PERM1: variants seen among roughly 807,000 people sequenced by gnomAD.
The protein encoded by PERM1 is PPARGC1 and ESRR induced regulator, muscle 1.
A neutral mutation model predicts 44.1 loss-of-function variants in PERM1; 45 were observed. The observed-to-expected ratio is 1.02, with a 90% CI of 0.80 to 1.31. The LOEUF (loss-of-function observed/expected upper bound fraction) is 1.31, where lower values mean the gene tolerates loss of function less well. PERM1 is among the 50% of genes most tolerant of loss of function. The pLI, the probability that PERM1 is intolerant of heterozygous loss-of-function variation, is 0.00. For missense variants in PERM1, 1,189 were observed against 1,106.9 expected (o/e 1.07, Z -1.05); for synonymous variants, 565 against 477.1 (o/e 1.18, Z -2.40).
exon 3 of PERM1, chr1:976,193 G>A (rs1475647961): frequency 1.1e-5 from 17 of 1,544,950 alleles, no homozygotes; most frequent in Admixed American, 1.0e-4. Context: ...GGCTGGGGCT[G>A]TGGCTGCGGC....
chr1:979,444 T>C, exon 1 of PERM1: 5 of 1,543,316 alleles, frequency 3.2e-6, no homozygotes, highest in Non-Finnish European at 4.4e-6. Context: ...AGTTGCTGTC[T>C]GGGGGGCTGA....
At chr1:976,101 G>C in exon 3 of PERM1, 3 of 1,432,700 alleles carry the variant, frequency 2.1e-6, no homozygotes, top group Non-Finnish European at 2.8e-6. Flanking sequence ...GGGCGAGGGC[G>C]GCACCTCGTC....
At chr1:976,213 C>A (rs1447439081) in exon 3 of PERM1, 1 of 1,541,152 alleles carries the variant, frequency 6.5e-7, no homozygotes, top group Non-Finnish European at 8.7e-7. Context: ...CGCCCTTGCC[C>A]CACCTGCCGG....
chr1:979,675 G>A, exon 1 of PERM1: 1 of 1,550,252 alleles, frequency 6.5e-7, no homozygotes, highest in African/African-American at 1.4e-5. Context: ...AGCGGCGTCG[G>A]CTCTGGGAAC....
At position 978,964 on chromosome 1, in the gene PERM1, C is replaced by T. The variant is rs571296882; in HGVS notation, c.2066G>A (p.Arg689Gln). 12 of 1,508,368 alleles carry T rather than the reference C, an allele frequency of 8.0e-6. No homozygotes were observed. The South Asian group carries it at 8.9e-5, about 11-fold the overall frequency. 93.4% of individuals were successfully genotyped at this position (1,508,368 alleles called of 1,614,324 possible). ...AGGCCCCGCCCCCTCGGAGGCCGACCGGGGAGGCTCCAGGGCCTGCAGTGG... is the reference window on the plus strand; with the variant it reads ...AGGCCCCGCCCCCTCGGAGGCCGACTGGGGAGGCTCCAGGGCCTGCAGTGG... The change falls in exon 1 of 3, where the codon CGG becomes CAG. Residue 689 changes from arginine (R) to glutamine (Q), a missense_variant. By Grantham distance (43) the Arg-to-Gln change is conservative. Around this residue, in one of 3 missense-constraint regions of PERM1, gnomAD observed 900 missense variants for 760.4 expected, o/e 1.18. Coordinates refer to ENST00000433179, the Ensembl canonical transcript of PERM1.
At chr1:978,599 G>A (rs879723200) in intron 1 of PERM1, among the ~76,000 whole-genome samples, 3 of 152,240 alleles carry the variant, frequency 2.0e-5, no homozygotes, top group African/African-American at 4.8e-5. Context: ...AGGCCTGGGC[G>A]GGAACCCTGC....
chr1:981,110 G>A, upstream of PERM1: 2 of 1,549,180 alleles, frequency 1.3e-6, no homozygotes, highest in East Asian at 2.4e-5. Flanking sequence ...GCACCACCCT[G>A]CACATGCCGC....
At chr1:981,283 C>A, upstream of PERM1, 1 of 1,095,608 alleles carries the variant, frequency 9.1e-7, no homozygotes, top group African/African-American at 1.6e-5. Flanking sequence ...TAGTTCCCAA[C>A]GCACCCCAAA....
At chr1:979,642 C>T (rs1381434230) in exon 1 of PERM1, 16 of 1,550,136 alleles carry the variant, frequency 1.0e-5, no homozygotes, top group African/African-American at 4.1e-5. Flanking sequence ...CCCAGCTCTG[C>T]GGGTGGGAGG....
exon 1 of PERM1, chr1:979,685 C>G: frequency 5.8e-6 from 9 of 1,550,316 alleles, no homozygotes; most frequent in Non-Finnish European, 7.8e-6. Flanking sequence ...GCTCTGGGAA[C>G]AGGTGTAGAC....
exon 3 of PERM1, chr1:976,029 G>GGCTCC (rs1643588487): frequency 1.3e-6 from 1 of 793,238 alleles, no homozygotes; most frequent in African/African-American, 1.8e-5. Context: ...GTGAGTCGGA[G>GGCTCC]GGAGCAGCAC....
At chr1:979,588 G>C in exon 1 of PERM1, 5 of 1,550,150 alleles carry the variant, frequency 3.2e-6, no homozygotes, top group Non-Finnish European at 4.4e-6. Context: ...GGGGGCCCCT[G>C]CTGAGGGCTC....
chr1:978,288 C>T (rs545638316), intron 1 of PERM1, among the ~76,000 whole-genome samples: 2 of 150,078 alleles, frequency 1.3e-5, no homozygotes, highest in Admixed American at 6.6e-5. Flanking sequence ...TCCTAAGATA[C>T]ATTTGTGCTG....
Position 976,636 on chromosome 1 carries a change from G to T in PERM1, c.2150-12C>A. 1 of 1,548,954 alleles carries T rather than the reference G, an allele frequency of 6.5e-7. No individual in the cohort carries two copies. The highest frequency in any genetic ancestry group is 8.7e-7 in the Non-Finnish European group (1 of 1,146,096). ...CCCCCGGAGCTCCCCTAGGACAGAA[G>T]CTCACCTTCAGCCCCACGGCTGCAC... On this transcript the variant is annotated splice_polypyrimidine_tract_variant and intron_variant, in intron 1 of 2. Transcript: ENST00000433179.
upstream of PERM1, chr1:981,150 C>T (rs547370973): frequency 1.9e-6 from 3 of 1,548,952 alleles, no homozygotes; most frequent in African/African-American, 4.1e-5. Flanking sequence ...GGAGCTCCCA[C>T]CGCCTCGGGG....
exon 1 of PERM1, chr1:979,791 G>A: frequency 6.5e-7 from 1 of 1,550,382 alleles, no homozygotes; most frequent in Non-Finnish European, 8.7e-7. Context: ...CTGTAGGCAA[G>A]GCCACATCCA....
At chr1:980,311 G>C in exon 1 of PERM1, 1 of 1,550,336 alleles carries the variant, frequency 6.5e-7, no homozygotes, top group Non-Finnish European at 8.7e-7. Flanking sequence ...AGGGGACCTG[G>C]GGCCAGGCTC....
At chr1:978,952 T>G in exon 1 of PERM1, 1 of 1,509,126 alleles carries the variant, frequency 6.6e-7, no homozygotes, top group Non-Finnish European at 8.9e-7. Flanking sequence ...CCCCGCCCCC[T>G]CGGAGGCCGA....
At chr1:975,674 T>TAG (rs1047553908) in exon 3 of PERM1, 1 of 155,912 alleles carries the variant, frequency 6.4e-6, no homozygotes, top group Non-Finnish European at 1.4e-5. Flanking sequence ...ATCCCCTCTT[T>TAG]GAGGCCACCC....
Sources: gnomAD v4.1 joint callset for allele counts (sites outside exome capture counted in the v4.1 genomes callset) on GRCh38, gnomAD v4.1.1 for gene constraint, gnomAD v4.1.1 regional missense constraint, MANE v1.5 for transcripts, NCBI Gene and HGNC (gene_info 2026-07-23, HGNC 2026-07-21) for gene names.